XG: variants seen among roughly 807,000 people sequenced by gnomAD.
XG encodes the protein Xg glycoprotein (Xg blood group), also known as glycoprotein Xg.
Under a neutral mutation model 25.7 loss-of-function variants are expected in XG, and 24 were observed. The ratio of observed to expected loss-of-function variants is 0.93; its 90% confidence interval spans 0.68 to 1.31. The LOEUF is 1.31. XG is among the 40% of genes most tolerant of loss of function. The pLI, the probability that XG is intolerant of heterozygous loss-of-function variation, is 0.00. For missense variants in XG, 181 were observed against 187.6 expected, an observed-to-expected ratio of 0.96 and a Z score of 0.21; for synonymous variants, 77 against 69.2, an observed-to-expected ratio of 1.11 and a Z score of -0.56.
chrX:2,807,906 T>C (rs59478284), intron 8 of XG, among the ~76,000 whole-genome samples: 1,274 of 111,926 alleles, frequency 0.011, 20 homozygotes, highest in African/African-American at 0.04. Flanking sequence ...GTGTTTTGCA[T>C]GCGCATGTAT....
chrX:2,801,708 TTA>T (rs1211280624), intron 7 of XG, among the ~76,000 whole-genome samples: 1 of 108,424 alleles, frequency 9.2e-6, no homozygotes, highest in Non-Finnish European at 1.9e-5. Flanking sequence ...ACTTTATTTT[TTA>T]TTTTTTATTT....
At chrX:2,804,206 G>A (rs1487038928) in intron 7 of XG, among the ~76,000 whole-genome samples, 1 of 112,487 alleles carries the variant, frequency 8.9e-6, no homozygotes, top group Non-Finnish European at 1.9e-5. Flanking sequence ...CTGGTCCCCA[G>A]GCAAGAAGGA....
At chrX:2,779,093 T>A (rs2051063924) in intron 3 of XG, among the ~76,000 whole-genome samples, 1 of 151,912 alleles carries the variant, frequency 6.6e-6, no homozygotes. Context: ...GAACTACAGG[T>A]GGATTACAAA....
chrX:2,775,809 A>G (rs1456659073), intron 3 of XG, among the ~76,000 whole-genome samples: 1 of 151,824 alleles, frequency 6.6e-6, no homozygotes, highest in Non-Finnish European at 1.5e-5. Context: ...TAAAAAAATT[A>G]GCTGGGCATG....
intron 9 of XG, 146 bp downstream of exon 9, chrX:2,808,366 T>C: frequency 1.2e-6 from 1 of 835,072 alleles, no homozygotes; most frequent in Non-Finnish European, 1.7e-6. Flanking sequence ...AAGTAGCTCC[T>C]GAATAAAAAT....
chrX:2,753,583 C>G (rs2050375860), intron 1 of XG, among the ~76,000 whole-genome samples: 1 of 145,456 alleles, frequency 6.9e-6, no homozygotes, highest in South Asian at 2.2e-4. Flanking sequence ...TACAACTTTT[C>G]TTTTTTTTTT....
At chrX:2,765,951 T>C (rs2050674901) in intron 1 of XG, among the ~76,000 whole-genome samples, 1 of 152,244 alleles carries the variant, frequency 6.6e-6, no homozygotes, top group African/African-American at 2.4e-5. Flanking sequence ...GTATTTAATG[T>C]GTATACACGG....
At chrX:2,787,264 T>C (rs1026811749) in intron 4 of XG, among the ~76,000 whole-genome samples, 10 of 110,264 alleles carry the variant, frequency 9.1e-5, no homozygotes, top group Non-Finnish European at 1.7e-4. Flanking sequence ...GAAGAGGAGA[T>C]GAGGACACAG....
chrX:2,769,535 A>G (rs1370502631), intron 1 of XG, among the ~76,000 whole-genome samples: 2 of 152,182 alleles, frequency 1.3e-5, no homozygotes, highest in African/African-American at 2.4e-5. Context: ...TGCTGACTCA[A>G]TGTGCTCCTG....
chrX:2,752,349 T>C lies in XG; in HGVS notation c.61+14T>C. 1.9e-6 allele frequency: 3 copies of C among 1,612,872 alleles called. No individual in the cohort carries two copies. Among genetic ancestry groups the C allele is most frequent in the Non-Finnish European group, 1.7e-6 (2 of 1,179,848 alleles). ...TGCACGCCCGAGGTAAGAGGCATTT[T>C]GCTTTGAGGGAGATCTGCCTGGGCA... is the stretch of plus-strand genomic sequence containing the variant. On this transcript the variant is annotated intron_variant, in intron 1 of 10. Coordinates refer to ENST00000644266, the MANE Select transcript of XG (RefSeq NM_001141919.2).
At chrX:2,780,026 A>T (rs773432736) in intron 3 of XG, among the ~76,000 whole-genome samples, 1 of 152,216 alleles carries the variant, frequency 6.6e-6, no homozygotes, top group South Asian at 2.1e-4. Flanking sequence ...TTGTTATACT[A>T]TATTATTTTT....
chrX:2,780,514 G>A lies in XG; in HGVS notation c.128-1552G>A, dbSNP rs770961230. The stretch of plus-strand genomic sequence containing the variant: ...GGAGGCCGAGGTGGGTGGATCACAA[G>A]GTCAGGAGTTTGAGACCAGCCTGGC... On this transcript the variant is annotated intron_variant, in intron 3 of 10. Coordinates refer to ENST00000644266, the MANE Select transcript of XG (RefSeq NM_001141919.2). Among the ~76,000 whole-genome samples, 334 of 150,766 alleles carry A rather than the reference G, an allele frequency of 2.2e-3. 1 individual carries two copies. The highest frequency in any genetic ancestry group is 8.0e-3 in the African/African-American group (327 of 41,080).
At chrX:2,785,214 G>A (rs992077514) in intron 4 of XG, among the ~76,000 whole-genome samples, 1 of 111,796 alleles carries the variant, frequency 8.9e-6, no homozygotes, top group Non-Finnish European at 1.9e-5. Context: ...CAAAGGAATA[G>A]TACTTATGCC....
rs1247348820 is a variant in XG, at chrX:2,811,327, C to T, written c.455-9C>T. ...CTCGGATGAGCTTGCTTTTTCTCCACTCCTGCAGGCAATATGGTAGCAAAA... is the reference window on the plus strand; with the variant it reads ...CTCGGATGAGCTTGCTTTTTCTCCATTCCTGCAGGCAATATGGTAGCAAAA... On this transcript the variant is annotated splice_polypyrimidine_tract_variant and intron_variant, in intron 9 of 10. Transcript: ENST00000644266. 8.4e-7 allele frequency: 1 copy of T among 1,189,906 alleles called. No individual in the cohort carries two copies. The highest frequency in any genetic ancestry group is 1.1e-6 in the Non-Finnish European group (1 of 881,866).
intron 3 of XG, among the ~76,000 whole-genome samples, chrX:2,779,787 C>T (rs1426603881): frequency 6.6e-6 from 1 of 152,094 alleles, no homozygotes; most frequent in Non-Finnish European, 1.5e-5. Flanking sequence ...GCTGGGATTA[C>T]AGGTATGCGC....
intron 2 of XG, among the ~76,000 whole-genome samples, chrX:2,773,553 A>AAGGAAGGAGAGAGGGAAGGAAGGAGAGAG (rs1254299943): frequency 1.3e-5 from 1 of 74,486 alleles, no homozygotes; most frequent in Non-Finnish European, 2.7e-5. Flanking sequence ...GAAGGAGAGA[A>AAGGAAGGAGAGAGGGAAGGAAGGAGAGAG]GGAAGGAAGG....
rs760378232 is a variant in XG, at chrX:2,774,742, G to T, written c.127+3G>T. On this transcript the variant is annotated splice_donor_region_variant and intron_variant, in intron 3 of 10. Transcript: ENST00000644266. ...ACCCACCAAGAAGCCAAACTCAGGT[G>T]AGTGTCTCTTCAGCTGGGAAAAACT... is the stretch of plus-strand genomic sequence containing the variant. The T allele has an allele frequency of 1.9e-6, 3 of 1,613,858 alleles. No individual in the cohort carries two copies. The East Asian group carries it at 6.7e-5, about 36-fold the overall frequency.
intron 5 of XG, among the ~76,000 whole-genome samples, chrX:2,792,102 G>A (rs1390595354): frequency 9.0e-6 from 1 of 110,782 alleles, no homozygotes; most frequent in Non-Finnish European, 1.9e-5. Context: ...GGCCAACATG[G>A]TGAAACCCCA....
chrX:2,765,867 T>A (rs190434103), intron 1 of XG, among the ~76,000 whole-genome samples: 152 of 152,316 alleles, frequency 1.0e-3, no homozygotes, highest in African/African-American at 3.2e-3. Flanking sequence ...CTTTCTGGGG[T>A]CGTGGCCCCT....
Sources: allele counts gnomAD v4.1 joint callset (sites outside exome capture counted in the v4.1 genomes callset), GRCh38; gene constraint gnomAD v4.1.1; transcripts MANE v1.5; gene names NCBI Gene and HGNC (gene_info 2026-07-23, HGNC 2026-07-21).